The following RPS15A variants were observed in gnomAD, a reference collection of about 807,000 sequenced individuals.
The protein encoded by RPS15A is ribosomal protein S15a.
For synonymous variants in RPS15A, 55 were observed against 58.5 expected (o/e 0.94, Z 0.27); for missense variants, 62 against 163.4 (o/e 0.38, Z 3.38).
chr16:18,786,308 T>TG, intron 3 of RPS15A: 1 of 187,362 alleles, frequency 5.3e-6, no homozygotes, highest in Non-Finnish European at 1.2e-5. Context: ...GAGGTTGCAG[T>TG]AGCCAAGATC....
chr16:18,784,869 A>T, intron 3 of RPS15A, 46 bp from the exon 4 acceptor site: 1 of 1,450,570 alleles, frequency 6.9e-7, no homozygotes, highest in South Asian at 1.2e-5. Flanking sequence ...CTTTACCAAT[A>T]ACAGAAAAAC....
At chr16:18,783,567 T>C (rs926794142) in intron 4 of RPS15A, 3 of 438,496 alleles carry the variant, frequency 6.8e-6, no homozygotes, top group Non-Finnish European at 1.4e-5. Context: ...AACAAGCATA[T>C]AGTATGCAAA....
At position 18,783,119 on chromosome 16, in the gene RPS15A, G is replaced by A. The variant is rs1405466517; in HGVS notation, c.300-17C>T. The A allele has an allele frequency of 9.1e-6, 14 of 1,537,636 alleles. No individual in the cohort carries two copies. Among genetic ancestry groups the A allele is most frequent in the Non-Finnish European group, 1.3e-5 (14 of 1,114,098 alleles). ...ACAATGAAACTATGGAGTGGAAAAA[G>A]AAAGTGCTGGTAAGTTTAATAGTTC... On this transcript the variant is annotated splice_polypyrimidine_tract_variant and intron_variant, in intron 4 of 4. Transcript: ENST00000322989.
chr16:18,785,919 C>G (rs1207767149), intron 3 of RPS15A: 1 of 152,214 alleles, frequency 6.6e-6, no homozygotes. Flanking sequence ...TCCCCCAACC[C>G]AGAAGAATCG....
intron 4 of RPS15A, 28 bp downstream of exon 4, chr16:18,784,710 T>G: frequency 6.5e-7 from 1 of 1,538,288 alleles, no homozygotes; most frequent in East Asian, 2.3e-5. Flanking sequence ...AGCATTAACT[T>G]CTTTTAATTA....
At chr16:18,789,759 G>T (rs1010532060) in intron 1 of RPS15A, 3 of 152,250 alleles carry the variant, frequency 2.0e-5, no homozygotes, top group Admixed American at 6.5e-5. Flanking sequence ...CTGAAGTTTT[G>T]AAAGACCAAA....
In RPS15A at chr16:18,789,008, G is replaced by A; in HGVS notation, c.106C>T (p.Arg36Trp). Reference sequence around the variant, plus strand: ...TGCTTCATCATCACAGTGAGAAACCGGACGATGACTTTGGAGCACGGCCTA... The same window carrying A: ...TGCTTCATCATCACAGTGAGAAACCAGACGATGACTTTGGAGCACGGCCTA... ...LIRPCSKVIV[R>W]FLTVMMKHGY... The change falls in exon 2 of 5, where the codon CGG becomes TGG. Residue 36 changes from arginine to tryptophan, a missense_variant. By Grantham distance (101) the Arg-to-Trp change is moderately radical. Coordinates refer to ENST00000322989, the MANE Select transcript of RPS15A (RefSeq NM_001019.5). 1.9e-6 allele frequency: 3 copies of A among 1,613,690 alleles called. No individual in the cohort carries two copies. The highest frequency in any genetic ancestry group is 1.3e-5 in the African/African-American group (1 of 75,004).
chr16:18,788,208 A>G, intron 2 of RPS15A, 66 bp from the exon 3 acceptor site: 1 of 1,012,288 alleles, frequency 9.9e-7, no homozygotes, highest in South Asian at 1.3e-5. Flanking sequence ...TCTGTGCTCT[A>G]GCCTACTCAA....
intron 3 of RPS15A, chr16:18,786,666 C>G (rs2029890967): frequency 6.6e-6 from 1 of 152,044 alleles, no homozygotes; most frequent in Admixed American, 6.6e-5. Flanking sequence ...CTGTATTCCC[C>G]AGCTACTCAG....
intron 3 of RPS15A, among the ~76,000 whole-genome samples, chr16:18,787,346 CA>C (rs1186729666): frequency 6.6e-6 from 1 of 152,136 alleles, no homozygotes; most frequent in African/African-American, 2.4e-5. Flanking sequence ...TCACTAGAGA[CA>C]GAAACTAAGT....
Position 18,781,735 on chromosome 16 carries a change from G to T in RPS15A, c.*1274C>A, listed in dbSNP as rs538390593. ...AACTCACTTCTCACAAATGGGGGCCGTTATCTGCCCCATCTCTAGGGCCGT... is the reference window on the plus strand; with the variant it reads ...AACTCACTTCTCACAAATGGGGGCCTTTATCTGCCCCATCTCTAGGGCCGT... On this transcript the variant is annotated 3_prime_UTR_variant, in exon 5 of 5. Transcript: ENST00000322989. 6.6e-6 allele frequency: 1 copy of T among 152,006 alleles called. No homozygotes were observed. The highest frequency in any genetic ancestry group is 2.1e-4 in the South Asian group (1 of 4,808). The allele number at this position is 152,006 out of a possible 1,614,324, so 9.4% of individuals were successfully genotyped here.
chr16:18,785,137 G>A (rs1294134580), intron 3 of RPS15A: 1 of 241,262 alleles, frequency 4.1e-6, no homozygotes, highest in East Asian at 8.3e-5. Flanking sequence ...ACATAGCCTA[G>A]AGATCAAGTC....
At chr16:18,785,542 T>G (rs1444739993) in intron 3 of RPS15A, 1 of 152,156 alleles carries the variant, frequency 6.6e-6, no homozygotes, top group Non-Finnish European at 1.5e-5. Context: ...GTCCACTAAC[T>G]GAAGACCCTC....
At chr16:18,784,673 A>T (rs917180206) in intron 4 of RPS15A, 65 bp downstream of exon 4, 2 of 1,248,926 alleles carry the variant, frequency 1.6e-6, no homozygotes, top group African/African-American at 3.0e-5. Context: ...AAAAACCCTT[A>T]AGTCAAACTG....
At position 18,790,156 on chromosome 16, in the gene RPS15A, T is replaced by G. The variant is rs577134309; in HGVS notation, c.-6+88A>C. The G allele has an allele frequency of 3.3e-5, 5 of 152,276 alleles. No homozygotes were observed. In the East Asian group the frequency reaches 9.7e-4, roughly 30 times the overall value. 9.4% of individuals were successfully genotyped at this position (152,276 alleles called of 1,614,324 possible). A position where few individuals can be genotyped will look rare whatever the true frequency, so the allele number is the denominator to read the frequency against. On this transcript the variant is annotated intron_variant, in intron 1 of 4. Coordinates refer to ENST00000322989, the MANE Select transcript of RPS15A (RefSeq NM_001019.5). ...ACAGTCTGGGGCGCCCAGCCATGGC[T>G]CTCCTCTATGCCTGTCCAGGAACCG...
chr16:18,789,597 C>T (rs529831279), intron 1 of RPS15A, among the ~76,000 whole-genome samples: 7 of 152,352 alleles, frequency 4.6e-5, no homozygotes, highest in African/African-American at 1.4e-4. Context: ...TCAGTTCACT[C>T]TCACCTACAA....
chr16:18,788,209 G>C (rs765119430), intron 2 of RPS15A, 67 bp from the exon 3 acceptor site: 18 of 1,011,860 alleles, frequency 1.8e-5, no homozygotes, highest in Non-Finnish European at 2.8e-5. Flanking sequence ...CTGTGCTCTA[G>C]CCTACTCAAT....
rs1300915261 is a variant in RPS15A, at chr16:18,782,949, A to C, written c.*60T>G. ...TACACTGCTGTAAAGGCTCAAAACG[A>C]CCAAGTGGAAGCACCAGAGTCCATG... On this transcript the variant is annotated 3_prime_UTR_variant, in exon 5 of 5. Transcript: ENST00000322989. 3.4e-5 allele frequency: 36 copies of C among 1,070,370 alleles called. No homozygotes were observed. The highest frequency in any genetic ancestry group is 5.1e-5 in the Non-Finnish European group (36 of 712,254). 66.3% of individuals were successfully genotyped at this position (1,070,370 alleles called of 1,614,324 possible). A position where few individuals can be genotyped will look rare whatever the true frequency, so the allele number is the denominator to read the frequency against.
chr16:18,787,665 TCAA>T (rs1399745880), intron 3 of RPS15A, among the ~76,000 whole-genome samples: 1 of 152,124 alleles, frequency 6.6e-6, no homozygotes, highest in African/African-American at 2.4e-5. Context: ...CCCCATTTAC[TCAA>T]AGATAAAGAT....
Sources: gnomAD v4.1 joint callset for allele counts (sites outside exome capture counted in the v4.1 genomes callset) on GRCh38, gnomAD v4.1.1 for gene constraint, MANE v1.5 for transcripts, NCBI Gene and HGNC (gene_info 2026-07-23, HGNC 2026-07-21) for gene names.